CPLANE1: variants seen among roughly 807,000 people sequenced by gnomAD.
CPLANE1 encodes the protein ciliogenesis and planar polarity effector complex subunit 1, also known as ciliogenesis and planar polarity effector 1.
CPLANE1 carries 263 observed loss-of-function variants against 362.5 expected under a neutral mutation model. The observed-to-expected ratio is 0.73, with a 90% CI of 0.66 to 0.80. The LOEUF (loss-of-function observed/expected upper bound fraction) is 0.80, where lower values mean the gene tolerates loss of function less well. Ranked by LOEUF, CPLANE1 falls within the 30% of genes least tolerant of loss-of-function variation. CPLANE1 has a pLI of 0.00. For synonymous variants in CPLANE1, 1,212 were observed against 1,302.6 expected, an observed-to-expected ratio of 0.93 and a Z score of 1.50; for missense variants, 3,461 against 3,793.4, an observed-to-expected ratio of 0.91 and a Z score of 2.30.
chr5:37,195,012 G>A lies in CPLANE1; in HGVS notation c.3811+846C>T, dbSNP rs529565498. 1.1e-4 allele frequency among the ~76,000 whole-genome samples: 16 copies of A among 151,880 alleles called. 1 individual carries two copies. The highest frequency in any genetic ancestry group is 4.2e-4 in the South Asian group (2 of 4,798). ...CTAAAAAATACAAAAAAAATTAGCC[G>A]GGCACGGTGGCGGGTGCCTGTAGTC... On this transcript the variant is annotated intron_variant, in intron 21 of 52. Transcript: ENST00000651892.
intron 21 of CPLANE1, among the ~76,000 whole-genome samples, chr5:37,192,573 T>C (rs1785846411): frequency 6.6e-6 from 1 of 152,100 alleles, no homozygotes; most frequent in African/African-American, 2.4e-5. Context: ...TTTTAAAAAA[T>C]ACCTCATCTG....
chr5:37,240,791 A>G (rs547828850), intron 6 of CPLANE1, among the ~76,000 whole-genome samples: 2 of 152,332 alleles, frequency 1.3e-5, no homozygotes, highest in African/African-American at 2.4e-5. Flanking sequence ...AATAAATTGA[A>G]TATCAGAGTT....
intron 41 of CPLANE1, among the ~76,000 whole-genome samples, chr5:37,156,933 A>T (rs1265659883): frequency 2.0e-5 from 3 of 152,192 alleles, no homozygotes; most frequent in African/African-American, 7.2e-5. Context: ...CCCGAATTTG[A>T]AATAAAAGTT....
intron 46 of CPLANE1, among the ~76,000 whole-genome samples, chr5:37,135,475 T>G (rs1767394462): frequency 6.6e-6 from 1 of 152,148 alleles, no homozygotes; most frequent in South Asian, 2.1e-4. Flanking sequence ...AGCAAACATG[T>G]CCTTCTCCAC....
intron 47 of CPLANE1, among the ~76,000 whole-genome samples, 156 bp from the exon 48 acceptor site, chr5:37,122,644 T>C (rs1762982767): frequency 6.6e-6 from 1 of 152,206 alleles, no homozygotes; most frequent in African/African-American, 2.4e-5. Flanking sequence ...AATTAAAACA[T>C]CATGTAATTA....
chr5:37,132,806 T>C (rs1766362266), intron 46 of CPLANE1, among the ~76,000 whole-genome samples: 1 of 152,238 alleles, frequency 6.6e-6, no homozygotes, highest in South Asian at 2.1e-4. Flanking sequence ...TTTTTGTTTT[T>C]GTTACAACTG....
chr5:37,243,007 C>T lies in CPLANE1; in HGVS notation c.677+6G>A. The stretch of plus-strand genomic sequence containing the variant: ...AAGAAAAGGAAGAAGAAAACATTTA[C>T]CTCACCTTACAGATGTAAATACATT... On this transcript the variant is annotated splice_donor_region_variant and intron_variant, in intron 6 of 52. Coordinates refer to ENST00000651892, the MANE Select transcript of CPLANE1 (RefSeq NM_001384732.1). 1 of 1,515,892 alleles carries T rather than the reference C, an allele frequency of 6.6e-7. No individual in the cohort carries two copies. 93.9% of individuals were successfully genotyped at this position (1,515,892 alleles called of 1,614,324 possible).
intron 44 of CPLANE1, chr5:37,141,533 T>C: frequency 1.0e-6 from 1 of 981,548 alleles, no homozygotes; most frequent in Non-Finnish European, 1.2e-6. Flanking sequence ...TAAAGTCAGC[T>C]TCTTAATAGG....
At chr5:37,169,711 G>C (rs921454196) in intron 33 of CPLANE1, 150 bp from the exon 34 acceptor site, 1 of 675,330 alleles carries the variant, frequency 1.5e-6, no homozygotes, top group African/African-American at 1.8e-5. Flanking sequence ...GATGACTATT[G>C]AACTACTCAG....
chr5:37,227,119 C>T (rs1445285176), intron 11 of CPLANE1, 46 bp from the exon 12 acceptor site: 1 of 1,507,324 alleles, frequency 6.6e-7, no homozygotes, highest in Admixed American at 2.2e-5. Flanking sequence ...CATTTAATAC[C>T]TTATCAATAG....
In CPLANE1 at chr5:37,201,688, G is replaced by A. The variant is rs1210576061; in HGVS notation, c.3410C>T (p.Ala1137Val). ...CCACAGTCTTTTACTGAAGTCCTTG[G>A]CAGAGTCTATCAGAAGTTGAAATGT... is the stretch of plus-strand genomic sequence containing the variant. ...SETFQLLIDSAKDFSKRLWGL... is the reference protein window; with the variant it reads ...SETFQLLIDSVKDFSKRLWGL... The change falls in exon 19 of 53, where the codon GCC becomes GTC. Residue 1137 changes from alanine to valine, a missense_variant. Coordinates refer to ENST00000651892, the MANE Select transcript of CPLANE1 (RefSeq NM_001384732.1). The A allele has an allele frequency of 1.2e-6, 2 of 1,614,128 alleles. No individual in the cohort carries two copies. Among genetic ancestry groups the A allele is most frequent in the South Asian group, 1.1e-5 (1 of 91,082 alleles).
chr5:37,237,200 C>T (rs1799192117), intron 8 of CPLANE1, among the ~76,000 whole-genome samples: 1 of 152,026 alleles, frequency 6.6e-6, no homozygotes, highest in African/African-American at 2.4e-5. Context: ...AACCATCTAT[C>T]AACAAAGGAT....
At chr5:37,239,650 A>C in intron 7 of CPLANE1, 63 bp downstream of exon 7, 1 of 1,234,140 alleles carries the variant, frequency 8.1e-7, no homozygotes, top group Non-Finnish European at 1.1e-6. Context: ...AAAAAGAAAA[A>C]TCTCAAAACT....
At chr5:37,199,499 A>T (rs1788541039) in intron 19 of CPLANE1, among the ~76,000 whole-genome samples, 1 of 152,120 alleles carries the variant, frequency 6.6e-6, no homozygotes, top group African/African-American at 2.4e-5. Flanking sequence ...ATTCCATATC[A>T]ATTTATACCT....
At chr5:37,158,459 G>A in intron 38 of CPLANE1, 114 bp from the exon 39 acceptor site, 1 of 1,011,252 alleles carries the variant, frequency 9.9e-7, no homozygotes, top group Middle Eastern at 3.0e-4. Context: ...TGTACTTCTT[G>A]AAATCTAAGT....
chr5:37,175,069 A>G (rs775519451), intron 31 of CPLANE1, among the ~76,000 whole-genome samples: 5 of 152,130 alleles, frequency 3.3e-5, no homozygotes, highest in Non-Finnish European at 5.9e-5. Context: ...CTGAAGTGTG[A>G]TGGAAGGGGG....
intron 18 of CPLANE1, among the ~76,000 whole-genome samples, chr5:37,202,920 T>C (rs1306616415): frequency 6.6e-6 from 1 of 150,594 alleles, no homozygotes; most frequent in Non-Finnish European, 1.5e-5. Flanking sequence ...TTTGTATATA[T>C]TTATCTTTCT....
chr5:37,247,169 A>G lies in CPLANE1; in HGVS notation c.81+449T>C, dbSNP rs143741012. Among the ~76,000 whole-genome samples the G allele has an allele frequency of 3.7e-3, 566 of 152,336 alleles. 2 individuals are homozygous for G. Among genetic ancestry groups the G allele is most frequent in the African/African-American group, 0.013 (545 of 41,576 alleles). ...ATCTATGCCATATATTATGAATGGC[A>G]TTCCTGGATTACTAACGTATTGTGG... On this transcript the variant is annotated intron_variant, in intron 2 of 52. Coordinates refer to ENST00000651892, the MANE Select transcript of CPLANE1 (RefSeq NM_001384732.1).
intron 34 of CPLANE1, among the ~76,000 whole-genome samples, chr5:37,168,561 TC>T (rs914954764): frequency 1.3e-5 from 2 of 152,182 alleles, no homozygotes; most frequent in African/African-American, 4.8e-5. Flanking sequence ...AGTCTCAAAC[TC>T]CTGGGGATCA....
Sources: gnomAD v4.1 joint callset for allele counts (sites outside exome capture counted in the v4.1 genomes callset) on GRCh38, gnomAD v4.1.1 for gene constraint, MANE v1.5 for transcripts, NCBI Gene and HGNC (gene_info 2026-07-23, HGNC 2026-07-21) for gene names.